The following MYH4 variants were observed in gnomAD, a reference collection of about 807,000 sequenced individuals.
MYH4 encodes myosin heavy chain 4, also known as myosin-4.
Under a neutral mutation model 229.9 loss-of-function variants are expected in MYH4, and 200 were observed. The observed-to-expected ratio is 0.87, with a 90% CI of 0.78 to 0.98. MYH4 has a LOEUF of 0.98. Ranked by LOEUF, MYH4 falls within the 50% of genes least tolerant of loss-of-function variation. The pLI is 0.00. For synonymous variants in MYH4, 761 were observed against 834.6 expected (o/e 0.91, Z 1.52); for missense variants, 2,148 against 2,332.6 (o/e 0.92, Z 1.63).
At position 10,450,812 on chromosome 17, in the gene MYH4, C is replaced by T; in HGVS notation, c.3949G>A (p.Glu1317Lys). 1 of 1,614,078 alleles carries T rather than the reference C, an allele frequency of 6.2e-7. No homozygotes were observed. The highest frequency in any genetic ancestry group is 8.5e-7 in the Non-Finnish European group (1 of 1,179,966). ...TCTTCTAGCTGCCTCTTTAATTCTT[C>T]AATCTGTTGTGTAAATGCTTGTTTG... is the stretch of plus-strand genomic sequence containing the variant. ...RGKQAFTQQI[E>K]ELKRQLEEET... Residue 1317 changes from glutamate to lysine, a missense_variant, in exon 29 of 40, where the codon GAA becomes AAA. By Grantham distance (56) the Glu-to-Lys change is moderately conservative. Coordinates refer to ENST00000255381, the MANE Select transcript of MYH4 (RefSeq NM_017533.2).
chr17:10,446,934 C>T, intron 35 of MYH4, 79 bp downstream of exon 35: 1 of 1,445,220 alleles, frequency 6.9e-7, no homozygotes, highest in Admixed American at 1.9e-5. Flanking sequence ...TTACTTTTTA[C>T]TTTATAAACA....
At chr17:10,444,767 G>A (rs1214690868) in intron 38 of MYH4, 28 bp downstream of exon 38, 2 of 1,612,326 alleles carry the variant, frequency 1.2e-6, no homozygotes, top group Middle Eastern at 1.6e-4. Context: ...AAAACTATAG[G>A]CCTGGAAGAT....
In MYH4 at chr17:10,453,010, GA is replaced by G. The variant is rs1392951908; in HGVS notation, c.3112-79del. 5.7e-6 allele frequency: 9 copies of G among 1,585,186 alleles called. No individual in the cohort carries two copies. In the African/African-American group the frequency reaches 1.2e-4, roughly 22 times the overall value. On this transcript the variant is annotated intron_variant, in intron 24 of 39. Coordinates refer to ENST00000255381, the MANE Select transcript of MYH4 (RefSeq NM_017533.2). ...GCTAGTAGCCTTCAAAGATACATAA[GA>G]AAAAAATTTAAAGATACAACAAATA...
intron 28 of MYH4, among the ~76,000 whole-genome samples, 165 bp from the exon 29 acceptor site, chr17:10,451,060 G>A (rs907662593): frequency 6.6e-6 from 1 of 152,124 alleles, no homozygotes; most frequent in African/African-American, 2.4e-5. Flanking sequence ...AAATGTATGA[G>A]TTTTCTTTGA....
At position 10,450,787 on chromosome 17, in the gene MYH4, T is replaced by C. The variant is rs766533991; in HGVS notation, c.3974A>G (p.Glu1325Gly). The change falls in exon 29 of 40, where the codon GAG becomes GGG. Residue 1325 changes from glutamate (E) to glycine (G), a missense_variant. By Grantham distance (98) the Glu-to-Gly change is moderately conservative. Coordinates refer to ENST00000255381, the MANE Select transcript of MYH4 (RefSeq NM_017533.2). ...QIEELKRQLE[E>G]ETKAKSTLAH... ...CTGGAGAATTCTCACCTTAGTCTCCTCTTCTAGCTGCCTCTTTAATTCTTC... is the reference window on the plus strand; with the variant it reads ...CTGGAGAATTCTCACCTTAGTCTCCCCTTCTAGCTGCCTCTTTAATTCTTC... The C allele has an allele frequency of 6.2e-7, 1 of 1,613,658 alleles. No individual in the cohort carries two copies. Among genetic ancestry groups the C allele is most frequent in the Non-Finnish European group, 8.5e-7 (1 of 1,179,548 alleles).
At position 10,450,592 on chromosome 17, in the gene MYH4, G is replaced by C. The variant is rs532853249; in HGVS notation, c.4042C>G (p.Arg1348Gly). The C allele has an allele frequency of 1.2e-6, 2 of 1,614,066 alleles. No individual in the cohort carries two copies. Among genetic ancestry groups the C allele is most frequent in the African/African-American group, 2.7e-5 (2 of 74,946 alleles). The change falls in exon 30 of 40, where the codon CGG (arginine) becomes GGG (glycine). Residue 1348 changes from arginine (R) to glycine (G), a missense_variant. Physicochemically the swap from Arg to Gly is moderately radical, Grantham distance 125. Transcript: ENST00000255381. ...QSARHDCDLLREQYEEEQEAK... is the reference protein window; with the variant it reads ...QSARHDCDLLGEQYEEEQEAK... ...TCCTGCTCCTCCTCATACTGTTCCC[G>C]CAGCAGGTCACAGTCATGGCGGGCT...
chr17:10,464,367 C>T (rs1724767216), intron 7 of MYH4, 105 bp downstream of exon 7: 2 of 943,282 alleles, frequency 2.1e-6, no homozygotes, highest in African/African-American at 1.7e-5. Context: ...CATAGTATTC[C>T]ATGGTGTATA....
chr17:10,457,244 C>G (rs1437517354), intron 16 of MYH4, among the ~76,000 whole-genome samples, 176 bp downstream of exon 16: 1 of 152,224 alleles, frequency 6.6e-6, no homozygotes, highest in Non-Finnish European at 1.5e-5. Flanking sequence ...TGTCACTTAG[C>G]TCTGAAAGTC....
chr17:10,447,322 T>C (rs2142210497), intron 34 of MYH4, 106 bp from the exon 35 acceptor site: 4 of 952,302 alleles, frequency 4.2e-6, no homozygotes, highest in African/African-American at 3.3e-5. Context: ...TATGATTAGA[T>C]AGGAGCAATC....
intron 39 of MYH4, among the ~76,000 whole-genome samples, chr17:10,444,298 G>A (rs1478431767): frequency 2.0e-5 from 3 of 152,260 alleles, no homozygotes; most frequent in Non-Finnish European, 4.4e-5. Flanking sequence ...ACTCTCATTT[G>A]CACAGGTCCA....
At chr17:10,461,703 A>G (rs1003776008) in intron 11 of MYH4, among the ~76,000 whole-genome samples, 3 of 152,108 alleles carry the variant, frequency 2.0e-5, no homozygotes, top group Non-Finnish European at 4.4e-5. Context: ...AAAAGAAGGA[A>G]TTTTGCCATT....
intron 24 of MYH4, 93 bp downstream of exon 24, chr17:10,453,059 C>T: frequency 6.3e-7 from 1 of 1,595,842 alleles, no homozygotes; most frequent in Non-Finnish European, 8.6e-7. Context: ...TATTCACAGA[C>T]CAAGCGTTAA....
Position 10,463,179 on chromosome 17 carries a change from TC to T in MYH4, c.814del (p.Glu272ArgfsTer9). The T allele has an allele frequency of 6.2e-7, 1 of 1,612,068 alleles. No homozygotes were observed. Among genetic ancestry groups the T allele is most frequent in the East Asian group, 2.2e-5 (1 of 44,862 alleles). On this transcript the variant is annotated frameshift_variant, in exon 10 of 40. Transcript: ENST00000255381. LOFTEE classifies it high-confidence loss of function. ...TAGCTGAAAAGTAACTCGGGACTTC[TC>T]TAGCAGATCTGGAAGTCAGATTAAG... ...ASADIETYLL[E>X]KSRVTFQLKA... is the part of the protein sequence containing the mutation.
chr17:10,453,944 A>G, intron 22 of MYH4, 59 bp from the exon 23 acceptor site: 3 of 1,593,586 alleles, frequency 1.9e-6, no homozygotes, highest in Non-Finnish European at 2.6e-6. Flanking sequence ...GCACACAATA[A>G]TTTATTATAA....
In MYH4 at chr17:10,453,618, T is replaced by C. The variant is rs184353631; in HGVS notation, c.2934+25A>G. ...TTCAGTATCAAGGTGCTTATAAATATTCTAAAATGGATCATGATTTGTACC... is the reference window on the plus strand; with the variant it reads ...TTCAGTATCAAGGTGCTTATAAATACTCTAAAATGGATCATGATTTGTACC... On this transcript the variant is annotated intron_variant, in intron 23 of 39. Coordinates refer to ENST00000255381, the MANE Select transcript of MYH4 (RefSeq NM_017533.2). The C allele has an allele frequency of 1.5e-3, 2,346 of 1,612,964 alleles. 16 individuals carry two copies. The highest frequency in any genetic ancestry group is 0.014 in the African/African-American group (1,013 of 74,006).
rs756258523 is a variant in MYH4, at chr17:10,460,968, C to T, written c.1095G>A (p.Met365Ile). Residue 365 changes from methionine to isoleucine, a missense_variant, in exon 12 of 40, where the codon ATG becomes ATA. Physicochemically the swap from Met to Ile is conservative, Grantham distance 10. Transcript: ENST00000255381. ...LTGAVMHYGNMKFKQKQREEQ... is the reference protein window; with the variant it reads ...LTGAVMHYGNIKFKQKQREEQ... ...CTTCCCTTTGCTTTTGCTTGAATTTCATGTTCCCATAATGCATCACGGCTC... is the reference window on the plus strand; with the variant it reads ...CTTCCCTTTGCTTTTGCTTGAATTTTATGTTCCCATAATGCATCACGGCTC... 3 of 1,613,986 alleles carry T rather than the reference C, an allele frequency of 1.9e-6. No homozygotes were observed. Among genetic ancestry groups the T allele is most frequent in the African/African-American group, 1.3e-5 (1 of 74,900 alleles).
rs142846823 is a variant in MYH4, at chr17:10,449,978, G to A, written c.4181+475C>T. Reference sequence around the variant, plus strand: ...ATGACTTGTAGTCCGCAAACAGTACGTGTAATTAGTGAATACATCCATTGA... The same window carrying A: ...ATGACTTGTAGTCCGCAAACAGTACATGTAATTAGTGAATACATCCATTGA... On this transcript the variant is annotated intron_variant, in intron 30 of 39. Coordinates refer to ENST00000255381, the MANE Select transcript of MYH4 (RefSeq NM_017533.2). 2.4e-3 allele frequency among the ~76,000 whole-genome samples: 359 copies of A among 152,208 alleles called. 2 individuals are homozygous for A. The highest frequency in any genetic ancestry group is 7.5e-3 in the African/African-American group (312 of 41,538).
chr17:10,455,334 T>C (rs1253231361), intron 19 of MYH4, 39 bp from the exon 20 acceptor site: 14 of 1,582,606 alleles, frequency 8.8e-6, no homozygotes, highest in Non-Finnish European at 1.0e-5. Context: ...TGGTTTTTCT[T>C]CACTGAAAAA....
At chr17:10,465,313 C>T (rs2072749591) in intron 5 of MYH4, 129 bp downstream of exon 5, 1 of 1,260,624 alleles carries the variant, frequency 7.9e-7, no homozygotes, top group Non-Finnish European at 1.1e-6. Flanking sequence ...ATATATTTCC[C>T]TAATTTTATT....
Sources: allele counts gnomAD v4.1 joint callset (sites outside exome capture counted in the v4.1 genomes callset), GRCh38; gene constraint gnomAD v4.1.1; transcripts MANE v1.5; gene names NCBI Gene and HGNC (gene_info 2026-07-23, HGNC 2026-07-21).